The following ALKBH1 variants were observed in gnomAD, a reference collection of about 807,000 sequenced individuals.
ALKBH1 encodes nucleic acid dioxygenase ALKBH1.
In ALKBH1, 31 loss-of-function variants were observed where a neutral mutation model predicts 36.6. The observed-to-expected ratio is 0.85, with a 90% CI of 0.64 to 1.14. The LOEUF (loss-of-function observed/expected upper bound fraction) is 1.14, where lower values mean the gene tolerates loss of function less well. Among genes scored for constraint, ALKBH1 ranks in the 50% most tolerant of loss-of-function variants. ALKBH1 has a pLI of 0.00. For synonymous variants in ALKBH1, 183 were observed against 186.6 expected (o/e 0.98, Z 0.16); for missense variants, 490 against 497.3 (o/e 0.99, Z 0.14).
In ALKBH1 at chr14:77,704,374, T is replaced by C; in HGVS notation, c.287A>G (p.Tyr96Cys). The change falls in exon 2 of 6, where the codon TAT becomes TGT. Residue 96 changes from tyrosine (Y) to cysteine (C), a missense_variant. Tyr to Cys is a radical substitution (Grantham distance 194). Coordinates refer to ENST00000216489, the MANE Select transcript of ALKBH1 (RefSeq NM_006020.3). ...SKWQAYGLKG[Y>C]PGFIFIPNPF... ...CTGAGGTCAGTTACACTCACCAGGA[T>C]AGCCTTTGAGTCCATAGGCTTGCCA... 1 of 1,609,654 alleles carries C rather than the reference T, an allele frequency of 6.2e-7. No homozygotes were observed. The highest frequency in any genetic ancestry group is 8.5e-7 in the Non-Finnish European group (1 of 1,175,880).
At chr14:77,686,863 C>A (rs2080271103) in intron 3 of ALKBH1, among the ~76,000 whole-genome samples, 1 of 152,166 alleles carries the variant, frequency 6.6e-6, no homozygotes, top group Admixed American at 6.5e-5. Flanking sequence ...ACCTTGTGAT[C>A]CACCCGCCTT....
intron 3 of ALKBH1, chr14:77,683,285 G>A: frequency 1.3e-6 from 1 of 768,562 alleles, no homozygotes; most frequent in South Asian, 1.4e-5. Flanking sequence ...TCTCTGGGTG[G>A]GGCAGGCTGG....
At position 77,686,902 on chromosome 14, in the gene ALKBH1, G is replaced by GT. The variant is rs200117200; in HGVS notation, c.456-6933dup. Among the ~76,000 whole-genome samples the GT allele has an allele frequency of 2.1e-3, 317 of 152,306 alleles. 1 individual carries two copies. The highest frequency in any genetic ancestry group is 7.1e-3 in the African/African-American group (297 of 41,578). Reference sequence around the variant, plus strand: ...CTCCCAAAGTGCTGGGATTACAGGCGTAAGCCACTGTGCCTGGCCACCCCA... The same window carrying GT: ...CTCCCAAAGTGCTGGGATTACAGGCGTTAAGCCACTGTGCCTGGCCACCCCA... On this transcript the variant is annotated intron_variant, in intron 3 of 5. Coordinates refer to ENST00000216489, the MANE Select transcript of ALKBH1 (RefSeq NM_006020.3).
Position 77,673,952 on chromosome 14 carries a change from G to A in ALKBH1, c.1030C>T (p.Arg344Ter), listed in dbSNP as rs150395539. 6.5e-5 allele frequency: 105 copies of A among 1,614,098 alleles called. No individual in the cohort carries two copies. The East Asian group carries it at 1.9e-3, about 29-fold the overall frequency. ...TTCTGGTCTGTGGCCAGGACCTGTC[G>A]GACAGTCATGTTAACACGAGCGGTC... ...LKTARVNMTV[R>*]QVLATDQNFP... Residue 344 changes from arginine to a stop codon, truncating the protein, a stop_gained, in exon 6 of 6, where the codon CGA becomes TGA. Coordinates refer to ENST00000216489, the MANE Select transcript of ALKBH1 (RefSeq NM_006020.3). LOFTEE classifies it low-confidence loss of function (END_TRUNC).
chr14:77,704,406 G>T lies in ALKBH1; in HGVS notation c.255C>A (p.Val85=). Residue 85 remains valine, a synonymous_variant, in exon 2 of 6, where the codon GTC becomes GTA. Coordinates refer to ENST00000216489, the MANE Select transcript of ALKBH1 (RefSeq NM_006020.3). ...TGAGTCCATAGGCTTGCCACTTGCT[G>T]ACGGGCTGAAGACCTGCTCTATATG... ...QNAYRAGLQP[V]SKWQAYGLKG... 1 of 1,614,160 alleles carries T rather than the reference G, an allele frequency of 6.2e-7. No homozygotes were observed. Among genetic ancestry groups the T allele is most frequent in the Non-Finnish European group, 8.5e-7 (1 of 1,180,016 alleles).
At chr14:77,700,409 T>C (rs545639917) in intron 2 of ALKBH1, among the ~76,000 whole-genome samples, 37 of 152,214 alleles carry the variant, frequency 2.4e-4, no homozygotes, top group Non-Finnish European at 4.7e-4. Context: ...AAAGTAAACC[T>C]AATGACCAAA....
chr14:77,681,687 G>C (rs965707400), intron 3 of ALKBH1, among the ~76,000 whole-genome samples: 1 of 152,204 alleles, frequency 6.6e-6, no homozygotes, highest in Non-Finnish European at 1.5e-5. Context: ...ACAATTCTCT[G>C]GAAGTGTTAA....
At chr14:77,676,162 AT>A (rs67783226) in intron 4 of ALKBH1, among the ~76,000 whole-genome samples, 106,723 of 144,464 alleles carry the variant, frequency 0.74, 39,385 homozygotes, top group Non-Finnish European at 0.79. Context: ...TGCCTGGCTA[AT>A]TTTTTTTTTT....
At chr14:77,681,739 A>G (rs2080239265) in intron 3 of ALKBH1, among the ~76,000 whole-genome samples, 1 of 152,216 alleles carries the variant, frequency 6.6e-6, no homozygotes, top group African/African-American at 2.4e-5. Flanking sequence ...AATATGGTTT[A>G]TGGTCAACAC....
At chr14:77,704,504 GGACTAAA>G (rs754154661) in intron 1 of ALKBH1, 27 bp from the exon 2 acceptor site, 1 of 1,583,282 alleles carries the variant, frequency 6.3e-7, no homozygotes, top group Admixed American at 1.7e-5. Context: ...AGAAGTTAAA[GGACTAAA>G]TCTATTTTGC....
At chr14:77,683,409 A>G (rs948700695) in intron 3 of ALKBH1, 3 of 776,698 alleles carry the variant, frequency 3.9e-6, no homozygotes, top group Non-Finnish European at 6.9e-6. Context: ...CAATGCGCAC[A>G]TTAATTCTCT....
intron 2 of ALKBH1, among the ~76,000 whole-genome samples, chr14:77,702,825 A>G (rs2080366752): frequency 6.6e-6 from 1 of 151,912 alleles, no homozygotes; most frequent in Non-Finnish European, 1.5e-5. Context: ...AGTAGCTGAG[A>G]CTACAGAGGC....
In ALKBH1 at chr14:77,673,824, G is replaced by C; in HGVS notation, c.1158C>G (p.Asn386Lys). ...GGATCTCCAAGTCTCAGCTGTCAGGGTTTATCCTGGCCCGTTTTACTTCGC... is the reference window on the plus strand; with the variant it reads ...GGATCTCCAAGTCTCAGCTGTCAGGCTTTATCCTGGCCCGTTTTACTTCGC... ...QNSEVKRARI[N>K]PDS Residue 386 changes from asparagine (N) to lysine (K), a missense_variant, in exon 6 of 6, where the codon AAC becomes AAG. Transcript: ENST00000216489. 3 of 1,613,166 alleles carry C rather than the reference G, an allele frequency of 1.9e-6. No individual in the cohort carries two copies. The highest frequency in any genetic ancestry group is 2.5e-6 in the Non-Finnish European group (3 of 1,179,394).
intron 2 of ALKBH1, among the ~76,000 whole-genome samples, chr14:77,697,558 CCAG>C (rs2080334514): frequency 6.6e-6 from 1 of 152,030 alleles, no homozygotes; most frequent in African/African-American, 2.4e-5. Flanking sequence ...GTCTTAATCT[CCAG>C]CAAAGACAAC....
chr14:77,686,319 G>A (rs2080268048), intron 3 of ALKBH1, among the ~76,000 whole-genome samples: 1 of 152,142 alleles, frequency 6.6e-6, no homozygotes, highest in Admixed American at 6.5e-5. Flanking sequence ...TTGTCCAAAA[G>A]GAGGTCAAGA....
At position 77,674,214 on chromosome 14, in the gene ALKBH1, C is replaced by G; in HGVS notation, c.768G>C (p.Leu256=). 1 of 1,609,062 alleles carries G rather than the reference C, an allele frequency of 6.2e-7. No homozygotes were observed. Among genetic ancestry groups the G allele is most frequent in the South Asian group, 1.1e-5 (1 of 90,510 alleles). ...FSFGQSAIFL[L]GGLQRDEAPT... is the part of the protein sequence containing the mutation. The stretch of plus-strand genomic sequence containing the variant: ...GGGCCTCATCCCTTTGAAGACCACC[C>G]AGGAGAAAGATGGCGGACTGTCCAA... Residue 256 remains leucine (L), a synonymous_variant, in exon 6 of 6, where the codon CTG becomes CTC. Transcript: ENST00000216489.
intron 3 of ALKBH1, among the ~76,000 whole-genome samples, chr14:77,690,150 G>A (rs2080289552): frequency 6.6e-6 from 1 of 152,086 alleles, no homozygotes; most frequent in African/African-American, 2.4e-5. Flanking sequence ...TAAGGGAAGA[G>A]CTTCCTAGGT....
intron 3 of ALKBH1, among the ~76,000 whole-genome samples, chr14:77,693,039 T>G (rs1187777858): frequency 6.6e-6 from 1 of 151,482 alleles, no homozygotes; most frequent in Non-Finnish European, 1.5e-5. Flanking sequence ...AACCCCTACC[T>G]CTACTAAAAA....
chr14:77,700,233 C>A (rs1412695366), intron 2 of ALKBH1, among the ~76,000 whole-genome samples: 1 of 152,102 alleles, frequency 6.6e-6, no homozygotes, highest in African/African-American at 2.4e-5. Flanking sequence ...CCTGAAGATT[C>A]CTCTACTGTA....
Sources: gnomAD v4.1 joint callset for allele counts (sites outside exome capture counted in the v4.1 genomes callset) on GRCh38, gnomAD v4.1.1 for gene constraint, MANE v1.5 for transcripts, NCBI Gene and HGNC (gene_info 2026-07-23, HGNC 2026-07-21) for gene names.